Variants in DNAH7 observed in about 807,000 individuals in gnomAD.
The protein encoded by DNAH7 is axonemal beta dynein heavy chain 7.
Under a neutral mutation model 444.6 loss-of-function variants are expected in DNAH7, and 397 were observed. The observed-to-expected ratio is 0.89, with a 90% confidence interval of 0.82 to 0.97. The LOEUF is 0.97. Among genes scored for constraint, DNAH7 ranks in the 50% least tolerant of loss-of-function variants. The probability of loss-of-function intolerance (pLI) is 0.00; values close to 1 mark genes in which losing one functional copy is unlikely to be tolerated. For missense variants in DNAH7, 4,902 were observed against 4,800.8 expected (o/e 1.02, Z -0.62); for synonymous variants, 1,636 against 1,624.4 (o/e 1.01, Z -0.17).
chr2:195,876,831 T>C, intron 36 of DNAH7, 132 bp from the exon 37 acceptor site: 1 of 636,104 alleles, frequency 1.6e-6, no homozygotes, highest in Non-Finnish European at 2.7e-6. Context: ...ATAGATGGAA[T>C]CAGTAGGAAT....
At chr2:195,936,264 C>G (rs1440987776) in intron 20 of DNAH7, among the ~76,000 whole-genome samples, 1 of 152,076 alleles carries the variant, frequency 6.6e-6, no homozygotes, top group African/African-American at 2.4e-5. Context: ...ATCCCAGCTA[C>G]TCGGGAAGCT....
intron 24 of DNAH7, among the ~76,000 whole-genome samples, chr2:195,912,587 C>A (rs1413975676): frequency 2.0e-5 from 3 of 152,066 alleles, no homozygotes; most frequent in South Asian, 2.1e-4. Context: ...GCGGCCAGCC[C>A]GAGAAGGCAT....
chr2:195,771,986 C>T, intron 60 of DNAH7, 96 bp from the exon 61 acceptor site: 1 of 1,007,722 alleles, frequency 9.9e-7, no homozygotes, highest in African/African-American at 1.6e-5. Flanking sequence ...TAAGAAAGAA[C>T]ATTGCTCTCT....
intron 20 of DNAH7, 148 bp downstream of exon 20, chr2:195,936,451 A>T: frequency 2.1e-6 from 1 of 472,382 alleles, no homozygotes; most frequent in Non-Finnish European, 3.5e-6. Context: ...TTTAATAATT[A>T]TCCAAAGTTG....
intron 24 of DNAH7, among the ~76,000 whole-genome samples, chr2:195,912,452 C>T (rs1008106998): frequency 6.6e-6 from 1 of 152,190 alleles, no homozygotes; most frequent in African/African-American, 2.4e-5. Flanking sequence ...AGGTCCAGAT[C>T]CCGAGAGCCA....
chr2:195,816,716 G>A lies in DNAH7; in HGVS notation c.9673C>T (p.Pro3225Ser), dbSNP rs1697236121. Residue 3225 changes from proline (P) to serine (S), a missense_variant, in exon 51 of 65, where the codon CCC (proline) becomes TCC (serine). Physicochemically the swap from Pro to Ser is moderately conservative, Grantham distance 74 (BLOSUM62 -1). Coordinates refer to ENST00000312428, the MANE Select transcript of DNAH7 (RefSeq NM_018897.3). Reference sequence around the variant, plus strand: ...CAGGTCAGTGAATACTGGTACATGGGCTCAATGTTGGCTAAATCAGCAAGA... The same window carrying A: ...CAGGTCAGTGAATACTGGTACATGGACTCAATGTTGGCTAAATCAGCAAGA... ...FSLADLANIEPMYQYSLTWFI... is the reference protein window; with the variant it reads ...FSLADLANIESMYQYSLTWFI... The A allele has an allele frequency of 1.9e-6, 3 of 1,614,126 alleles. No individual in the cohort carries two copies. In the African/African-American group the frequency reaches 4.0e-5, roughly 22 times the overall value.
chr2:195,764,355 C>T lies in DNAH7; in HGVS notation c.11433+7305G>A, dbSNP rs1694477046. ...ATAACAAGGATGTCCACTTTCACAA[C>T]TGTTATCAACAAAGTACTGGAAGTC... On this transcript the variant is annotated intron_variant, in intron 61 of 64. Transcript: ENST00000312428. 2.0e-5 allele frequency among the ~76,000 whole-genome samples: 3 copies of T among 152,024 alleles called. No homozygotes were observed. The South Asian group carries it at 6.2e-4, about 31-fold the overall frequency.
chr2:195,805,090 G>A (rs868644962), intron 54 of DNAH7, among the ~76,000 whole-genome samples: 2 of 152,178 alleles, frequency 1.3e-5, no homozygotes, highest in Admixed American at 6.6e-5. Flanking sequence ...GAGAGTGAAC[G>A]TAGAAAGAGA....
chr2:195,851,268 C>T (rs1193027098), intron 46 of DNAH7, among the ~76,000 whole-genome samples: 1 of 152,170 alleles, frequency 6.6e-6, no homozygotes, highest in African/African-American at 2.4e-5. Context: ...CAGAATTAAT[C>T]CACAGGAATT....
At chr2:196,053,037 A>G (rs374922802) in intron 2 of DNAH7, among the ~76,000 whole-genome samples, 1 of 58,146 alleles carries the variant, frequency 1.7e-5, no homozygotes, top group African/African-American at 7.4e-5. Flanking sequence ...ATTCTAGAGG[A>G]GGTACAGTTA....
chr2:195,781,538 T>C (rs1051082472), intron 58 of DNAH7, among the ~76,000 whole-genome samples: 1 of 151,874 alleles, frequency 6.6e-6, no homozygotes, highest in East Asian at 1.9e-4. Flanking sequence ...GCTGCTTGGA[T>C]TGCTTCCCTG....
rs1202436959 is a variant in DNAH7 at position 195,816,714 on chromosome 2, G to A, written c.9675C>T (p.Pro3225=). 6.2e-7 allele frequency: 1 copy of A among 1,614,110 alleles called. No homozygotes were observed. The highest frequency in any genetic ancestry group is 8.5e-7 in the Non-Finnish European group (1 of 1,179,988). ...FSLADLANIE[P]MYQYSLTWFI... The stretch of plus-strand genomic sequence containing the variant: ...ACCAGGTCAGTGAATACTGGTACAT[G>A]GGCTCAATGTTGGCTAAATCAGCAA... The change falls in exon 51 of 65, where the codon CCC becomes CCT. Residue 3225 remains proline (P), a synonymous_variant. Coordinates refer to ENST00000312428, the MANE Select transcript of DNAH7 (RefSeq NM_018897.3).
At chr2:195,954,994 A>G (rs1690540219) in intron 19 of DNAH7, among the ~76,000 whole-genome samples, 2 of 152,110 alleles carry the variant, frequency 1.3e-5, no homozygotes, top group Non-Finnish European at 1.5e-5. Context: ...CTCTGATGGT[A>G]GTTTCTTTTG....
intron 57 of DNAH7, among the ~76,000 whole-genome samples, chr2:195,791,703 T>C (rs1175041845): frequency 1.3e-5 from 2 of 152,188 alleles, no homozygotes; most frequent in African/African-American, 4.8e-5. Context: ...ACTTATACAC[T>C]GTGGCATACT....
chr2:195,776,013 G>C (rs372645740), intron 59 of DNAH7, 30 bp from the exon 60 acceptor site: 168 of 1,605,802 alleles, frequency 1.0e-4, no homozygotes, highest in Non-Finnish European at 1.3e-4. Context: ...GAAGTCAGGA[G>C]GTTAGAAATC....
chr2:195,854,022 C>T (rs1699553645), intron 45 of DNAH7, among the ~76,000 whole-genome samples: 1 of 152,170 alleles, frequency 6.6e-6, no homozygotes, highest in Admixed American at 6.6e-5. Context: ...TACTCAGGCA[C>T]TTGCAATTCA....
At chr2:195,973,448 GTTTT>G (rs888791388) in intron 15 of DNAH7, among the ~76,000 whole-genome samples, 2 of 151,688 alleles carry the variant, frequency 1.3e-5, no homozygotes, top group Non-Finnish European at 2.9e-5. Context: ...GACCTATACA[GTTTT>G]TTTTGTTTGT....
intron 10 of DNAH7, among the ~76,000 whole-genome samples, chr2:196,008,333 T>C (rs1427321323): frequency 6.6e-6 from 1 of 152,116 alleles, no homozygotes; most frequent in African/African-American, 2.4e-5. Context: ...AAATTGTTGT[T>C]AGGAATGTGA....
intron 48 of DNAH7, among the ~76,000 whole-genome samples, chr2:195,828,634 A>G (rs1277662384): frequency 2.8e-5 from 4 of 144,056 alleles, no homozygotes; most frequent in East Asian, 2.0e-4. Flanking sequence ...TTTCTATTGC[A>G]TATTTGCTTA....
Sources: gnomAD v4.1 joint callset for allele counts (sites outside exome capture counted in the v4.1 genomes callset) on GRCh38, gnomAD v4.1.1 for gene constraint, MANE v1.5 for transcripts, NCBI Gene and HGNC (gene_info 2026-07-23, HGNC 2026-07-21) for gene names.